CD96: variants seen among roughly 807,000 people sequenced by gnomAD.
The protein encoded by CD96 is T-cell surface protein tactile.
In CD96, 70 loss-of-function variants were observed where a neutral mutation model predicts 71.3. The ratio of observed to expected loss-of-function variants is 0.98; its 90% CI spans 0.81 to 1.20. CD96 has a LOEUF of 1.20. CD96 is among the 50% of genes most tolerant of loss of function. The probability of loss-of-function intolerance (pLI) is 0.00; values close to 1 mark genes in which losing one functional copy is unlikely to be tolerated. For synonymous variants in CD96, 248 were observed against 233.0 expected (o/e 1.06, Z -0.59); for missense variants, 742 against 677.5 (o/e 1.10, Z -1.06).
chr3:111,546,308 T>G (rs1934394325), intron 2 of CD96, among the ~76,000 whole-genome samples: 1 of 152,306 alleles, frequency 6.6e-6, no homozygotes, highest in East Asian at 1.9e-4. Flanking sequence ...GGAAGGTTTG[T>G]GGGTGAATTT....
At chr3:111,663,427 G>A (rs933624096) in intron 14 of CD96, among the ~76,000 whole-genome samples, 1 of 152,098 alleles carries the variant, frequency 6.6e-6, no homozygotes, top group Non-Finnish European at 1.5e-5. Context: ...AGACAAGTGG[G>A]ACCTAATTAA....
At chr3:111,576,273 G>A (rs1479542985) in intron 3 of CD96, among the ~76,000 whole-genome samples, 1 of 152,130 alleles carries the variant, frequency 6.6e-6, no homozygotes, top group African/African-American at 2.4e-5. Flanking sequence ...TCACATACAG[G>A]TTCTTGCCTC....
intron 2 of CD96, among the ~76,000 whole-genome samples, chr3:111,557,460 G>A (rs1175867981): frequency 1.0e-5 from 1 of 98,464 alleles, no homozygotes; most frequent in Non-Finnish European, 2.0e-5. Flanking sequence ...TATTAAATAG[G>A]GAATCCTTTC....
intron 2 of CD96, among the ~76,000 whole-genome samples, chr3:111,554,125 G>A (rs991129684): frequency 5.9e-5 from 9 of 151,720 alleles, no homozygotes; most frequent in Non-Finnish European, 1.2e-4. Context: ...TGTAACATTA[G>A]GTTTCTGGTG....
chr3:111,625,398 C>G (rs968027161), intron 10 of CD96, among the ~76,000 whole-genome samples: 1 of 151,874 alleles, frequency 6.6e-6, no homozygotes, highest in Non-Finnish European at 1.5e-5. Flanking sequence ...TAATAGACAC[C>G]CATGAACCCA....
chr3:111,610,883 C>T (rs1012306778), intron 8 of CD96, among the ~76,000 whole-genome samples: 2 of 152,162 alleles, frequency 1.3e-5, no homozygotes, highest in Admixed American at 6.6e-5. Context: ...GATGCCAACC[C>T]GGTGTGGCAA....
At chr3:111,586,981 A>G (rs1447425140) in intron 5 of CD96, among the ~76,000 whole-genome samples, 1 of 152,182 alleles carries the variant, frequency 6.6e-6, no homozygotes, top group African/African-American at 2.4e-5. Flanking sequence ...CTCATCTGAG[A>G]TAAGGCAAGT....
intron 8 of CD96, among the ~76,000 whole-genome samples, chr3:111,611,335 A>T (rs1937922830): frequency 1.3e-5 from 2 of 152,222 alleles, no homozygotes; most frequent in South Asian, 4.1e-4. Context: ...GGGATGCAAC[A>T]AAACTACTGA....
intron 10 of CD96, among the ~76,000 whole-genome samples, chr3:111,636,570 T>C (rs1160454046): frequency 1.3e-5 from 2 of 152,174 alleles, no homozygotes; most frequent in Non-Finnish European, 2.9e-5. Flanking sequence ...CAAAATGAGT[T>C]GTTAGATCTA....
chr3:111,626,086 G>A (rs926766478), intron 10 of CD96, among the ~76,000 whole-genome samples: 23 of 152,082 alleles, frequency 1.5e-4, no homozygotes, highest in African/African-American at 3.6e-4. Context: ...GGTGGATCAC[G>A]AGGTCAGGAG....
intron 8 of CD96, among the ~76,000 whole-genome samples, chr3:111,620,508 A>G (rs1168226332): frequency 6.6e-6 from 1 of 152,152 alleles, no homozygotes; most frequent in Admixed American, 6.5e-5. Flanking sequence ...AAAGACTTTA[A>G]CTCTGACTTC....
chr3:111,654,004 AT>A (rs1940169607), downstream of CD96, among the ~76,000 whole-genome samples: 3 of 152,166 alleles, frequency 2.0e-5, no homozygotes, highest in Admixed American at 6.5e-5. Context: ...AAGGCCAGAG[AT>A]AATGAAAAAT....
intron 4 of CD96, among the ~76,000 whole-genome samples, chr3:111,580,949 G>A (rs1936436789): frequency 6.6e-6 from 1 of 152,180 alleles, no homozygotes. Context: ...TTTAATCTAG[G>A]CAAGCTGTGT....
At chr3:111,615,824 C>T (rs1184048191) in intron 8 of CD96, among the ~76,000 whole-genome samples, 1 of 152,118 alleles carries the variant, frequency 6.6e-6, no homozygotes. Flanking sequence ...TTGATATATC[C>T]CCCACGACTG....
chr3:111,599,094 G>A (rs920974470), intron 6 of CD96, among the ~76,000 whole-genome samples: 50 of 151,508 alleles, frequency 3.3e-4, no homozygotes, highest in African/African-American at 1.1e-3. Context: ...TCAGCCTCCC[G>A]AGTAGCTGGG....
At chr3:111,555,159 T>C (rs571772761) in intron 2 of CD96, among the ~76,000 whole-genome samples, 6 of 152,156 alleles carry the variant, frequency 3.9e-5, no homozygotes, top group South Asian at 2.1e-4. Context: ...TACCAGTCCA[T>C]GGTCCAGGGG....
chr3:111,644,369 C>A (rs1170046724), intron 12 of CD96, among the ~76,000 whole-genome samples: 1 of 152,090 alleles, frequency 6.6e-6, no homozygotes, highest in Non-Finnish European at 1.5e-5. Context: ...TAAAAGATAA[C>A]ATTGGAAAAA....
intron 8 of CD96, among the ~76,000 whole-genome samples, chr3:111,616,126 G>A (rs964746044): frequency 9.9e-5 from 15 of 151,652 alleles, no homozygotes; most frequent in South Asian, 2.1e-4. Flanking sequence ...TTTTAACACC[G>A]TCTATAAGTT....
chr3:111,613,070 C>T (rs1212418093), intron 8 of CD96, among the ~76,000 whole-genome samples: 1 of 152,208 alleles, frequency 6.6e-6, no homozygotes, highest in Non-Finnish European at 1.5e-5. Context: ...ACACAACATT[C>T]TGCAGACTGT....
Sources: allele counts gnomAD v4.1 joint callset (sites outside exome capture counted in the v4.1 genomes callset), GRCh38; gene constraint gnomAD v4.1.1; transcripts MANE v1.5; gene names NCBI Gene and HGNC (gene_info 2026-07-23, HGNC 2026-07-21).